The following TENM3 variants were observed in gnomAD, a reference collection of about 807,000 sequenced individuals.
The protein encoded by TENM3 is teneurin-3.
In TENM3, 63 loss-of-function variants were observed where a neutral mutation model predicts 255.1. That is an observed-to-expected ratio of 0.25 (90% CI 0.20 to 0.30). The LOEUF (loss-of-function observed/expected upper bound fraction) is 0.30. TENM3 is among the 10% of genes least tolerant of loss of function. The pLI is 1.00. For synonymous variants in TENM3, 1,306 were observed against 1,322.3 expected (o/e 0.99, Z 0.27); for missense variants, 2,929 against 3,461.1 (o/e 0.85, Z 3.86).
chr4:182,503,307 G>A (rs899594139), intron 3 of TENM3, among the ~76,000 whole-genome samples: 2 of 152,084 alleles, frequency 1.3e-5, no homozygotes, highest in Non-Finnish European at 2.9e-5. Context: ...GTCTTACAGG[G>A]ACATTCAGTC....
chr4:182,006,673 A>C, the TENM3 span, among the ~76,000 whole-genome samples: 1 of 152,186 alleles, frequency 6.6e-6, no homozygotes, highest in Middle Eastern at 3.4e-3. Context: ...TTTTCAAAAA[A>C]AAACAGCTCC....
At chr4:182,201,752 A>G (rs548727551) in intron 1 of TENM3, among the ~76,000 whole-genome samples, 1 of 152,172 alleles carries the variant, frequency 6.6e-6, no homozygotes, top group Non-Finnish European at 1.5e-5. Flanking sequence ...TCGTCTCATC[A>G]TGGGGCTCTT....
intron 24 of TENM3, among the ~76,000 whole-genome samples, chr4:182,779,347 T>C (rs1372148176): frequency 6.6e-6 from 1 of 152,164 alleles, no homozygotes; most frequent in East Asian, 1.9e-4. Context: ...CTGAGAATGA[T>C]GTTTTCCAAT....
chr4:182,566,582 TTCTC>T (rs1354130964), intron 3 of TENM3, among the ~76,000 whole-genome samples: 1 of 152,208 alleles, frequency 6.6e-6, no homozygotes, highest in Non-Finnish European at 1.5e-5. Context: ...TGTTTATTGT[TTCTC>T]TCTTCCAGCC....
the TENM3 span, among the ~76,000 whole-genome samples, chr4:181,472,855 A>T: frequency 1.3e-5 from 2 of 152,216 alleles, no homozygotes; most frequent in African/African-American, 2.4e-5. Flanking sequence ...GTTTCCTTAC[A>T]GAACAATAGA....
the TENM3 span, among the ~76,000 whole-genome samples, chr4:181,597,070 GA>G: frequency 1.3e-5 from 2 of 152,054 alleles, no homozygotes; most frequent in African/African-American, 4.8e-5. Flanking sequence ...AACTTAAAAT[GA>G]AAGTTAAAAA....
At chr4:181,519,371 T>C in the TENM3 span, among the ~76,000 whole-genome samples, 1 of 152,224 alleles carries the variant, frequency 6.6e-6, no homozygotes, top group Non-Finnish European at 1.5e-5. Flanking sequence ...AAATATAACT[T>C]ATTAAAGCAT....
the TENM3 span, among the ~76,000 whole-genome samples, chr4:181,928,256 C>A: frequency 6.6e-6 from 1 of 151,760 alleles, no homozygotes; most frequent in South Asian, 2.1e-4. Flanking sequence ...ATGTTCTAAC[C>A]CAATGCAAGG....
At chr4:182,055,913 T>A in the TENM3 span, among the ~76,000 whole-genome samples, 1 of 152,126 alleles carries the variant, frequency 6.6e-6, no homozygotes, top group South Asian at 2.1e-4. Context: ...CAAAAACTCA[T>A]GTGCAGGATA....
At chr4:182,100,652 T>TATATACACAC in the TENM3 span, among the ~76,000 whole-genome samples, 1 of 38,236 alleles carries the variant, frequency 2.6e-5, no homozygotes, top group African/African-American at 1.1e-4. Flanking sequence ...TATATACACA[T>TATATACACAC]ATATACACAT....
intron 1 of TENM3, among the ~76,000 whole-genome samples, chr4:182,287,830 G>T (rs1175564562): frequency 6.6e-6 from 1 of 151,932 alleles, no homozygotes; most frequent in Non-Finnish European, 1.5e-5. Context: ...TATTGGCCAG[G>T]CTGGTCTCGA....
chr4:181,638,519 C>T, the TENM3 span, among the ~76,000 whole-genome samples: 15 of 152,306 alleles, frequency 9.8e-5, no homozygotes, highest in South Asian at 3.1e-3. Flanking sequence ...CAGAACAAAT[C>T]CAAGTCAGAG....
At chr4:181,454,807 G>A in the TENM3 span, among the ~76,000 whole-genome samples, 1 of 149,742 alleles carries the variant, frequency 6.7e-6, no homozygotes, top group East Asian at 2.0e-4. Flanking sequence ...AGGAGCAATA[G>A]GCTGTGCTTT....
intron 5 of TENM3, among the ~76,000 whole-genome samples, chr4:182,641,612 C>T (rs976218958): frequency 1.3e-5 from 2 of 151,784 alleles, no homozygotes; most frequent in African/African-American, 4.8e-5. Context: ...ACTGCAACCT[C>T]CACCTCATAG....
rs569346373 is a variant in TENM3, at chr4:182,225,960, A to G, written c.-76+81206A>G. On this transcript the variant is annotated intron_variant, in intron 1 of 2. Coordinates refer to the TENM3 transcript ENST00000512480. Reference sequence around the variant, plus strand: ...GGCACCTTTTAATGGAGACCTTGAAATATCATCCAAGTAAGGAACCATCGG... The same window carrying G: ...GGCACCTTTTAATGGAGACCTTGAAGTATCATCCAAGTAAGGAACCATCGG... 3.3e-5 allele frequency among the ~76,000 whole-genome samples: 5 copies of G among 152,280 alleles called. No individual in the cohort carries two copies. In the East Asian group the frequency reaches 9.7e-4, roughly 29 times the overall value.
the TENM3 span, among the ~76,000 whole-genome samples, chr4:182,022,906 G>C: frequency 6.6e-6 from 1 of 152,106 alleles, no homozygotes; most frequent in South Asian, 2.1e-4. Flanking sequence ...AGCATTTCTG[G>C]CCTAAAGTGG....
At chr4:182,182,989 G>A (rs1479088595) in intron 1 of TENM3, among the ~76,000 whole-genome samples, 1 of 151,996 alleles carries the variant, frequency 6.6e-6, no homozygotes, top group Non-Finnish European at 1.5e-5. Flanking sequence ...TAACTTTTAT[G>A]GTATACAAAA....
At chr4:181,716,264 T>C in the TENM3 span, among the ~76,000 whole-genome samples, 2 of 152,232 alleles carry the variant, frequency 1.3e-5, no homozygotes, top group Non-Finnish European at 1.5e-5. Flanking sequence ...TTTAATAAAG[T>C]AATATATGGA....
chr4:182,670,285 T>C (rs949760476), intron 6 of TENM3, among the ~76,000 whole-genome samples: 3 of 152,228 alleles, frequency 2.0e-5, no homozygotes, highest in Admixed American at 6.5e-5. Flanking sequence ...TAACTCAATT[T>C]GGAAATTTTA....
Sources: gnomAD v4.1 joint callset for allele counts (sites outside exome capture counted in the v4.1 genomes callset) on GRCh38, gnomAD v4.1.1 for gene constraint, MANE v1.5 for transcripts, NCBI Gene and HGNC (gene_info 2026-07-23, HGNC 2026-07-21) for gene names.